Variants in WDFY2 observed in about 807,000 individuals in gnomAD.
WDFY2 encodes the protein WD repeat and FYVE domain-containing protein 2.
In WDFY2, 36 loss-of-function variants were observed where a neutral mutation model predicts 56.4. The ratio of observed to expected loss-of-function variants is 0.64; its 90% CI spans 0.49 to 0.84. The LOEUF is 0.84. WDFY2 is among the 40% of genes least tolerant of loss of function. The pLI, the probability that WDFY2 is intolerant of heterozygous loss-of-function variation, is 0.00. For missense variants in WDFY2, 444 were observed against 512.2 expected, an observed-to-expected ratio of 0.87 and a Z score of 1.29; for synonymous variants, 176 against 183.7, an observed-to-expected ratio of 0.96 and a Z score of 0.34.
chr13:51,750,661 G>A (rs200227174), intron 7 of WDFY2, among the ~76,000 whole-genome samples: 177 of 152,032 alleles, frequency 1.2e-3, no homozygotes, highest in East Asian at 7.6e-3. Context: ...CATTTTTGCC[G>A]CCAAGAGGGA....
chr13:51,674,768 CTTTT>C (rs920557082), intron 2 of WDFY2, among the ~76,000 whole-genome samples: 1 of 152,036 alleles, frequency 6.6e-6, no homozygotes, highest in Non-Finnish European at 1.5e-5. Flanking sequence ...TAAGATCTTT[CTTTT>C]GTTTGTCTAG....
intron 9 of WDFY2, among the ~76,000 whole-genome samples, chr13:51,756,032 C>G (rs534987539): frequency 6.6e-6 from 1 of 151,640 alleles, no homozygotes; most frequent in African/African-American, 2.4e-5. Context: ...TTAAGATCAC[C>G]TGGCCCCTGG....
At position 51,656,534 on chromosome 13, in the gene WDFY2, C is replaced by T. The variant is rs116605506; in HGVS notation, c.138-4062C>T. ...TGGTTTGTAGTGTTGTTCAAGTCTT[C>T]TGTTTCCTTATATGTATGGATGTTC... On this transcript the variant is annotated intron_variant, in intron 1 of 11. Transcript: ENST00000298125. Among the ~76,000 whole-genome samples, 883 of 152,000 alleles carry T rather than the reference C, an allele frequency of 5.8e-3. 4 individuals carry two copies. Among genetic ancestry groups the T allele is most frequent in the African/African-American group, 0.02 (846 of 41,510 alleles).
At chr13:51,698,869 A>G (rs1951928108) in intron 3 of WDFY2, among the ~76,000 whole-genome samples, 1 of 152,234 alleles carries the variant, frequency 6.6e-6, no homozygotes, top group Non-Finnish European at 1.5e-5. Flanking sequence ...AAGGCAGACT[A>G]TTAGGAGAGA....
chr13:51,692,935 G>A (rs1326919874), intron 3 of WDFY2, among the ~76,000 whole-genome samples: 2 of 152,212 alleles, frequency 1.3e-5, no homozygotes, highest in Non-Finnish European at 2.9e-5. Flanking sequence ...GGGTGTATAT[G>A]TTGAGGAATT....
chr13:51,669,259 ATGTT>A (rs1355385051), intron 2 of WDFY2, among the ~76,000 whole-genome samples: 1 of 152,172 alleles, frequency 6.6e-6, no homozygotes, highest in African/African-American at 2.4e-5. Flanking sequence ...TTTAAGCTGA[ATGTT>A]TGTCTTAAGT....
At chr13:51,602,663 G>A (rs1257332191) in intron 1 of WDFY2, among the ~76,000 whole-genome samples, 1 of 152,188 alleles carries the variant, frequency 6.6e-6, no homozygotes, top group African/African-American at 2.4e-5. Flanking sequence ...AGACTACCTA[G>A]CTGCAAGGAA....
At chr13:51,658,959 C>T (rs183143750) in intron 1 of WDFY2, among the ~76,000 whole-genome samples, 20 of 152,114 alleles carry the variant, frequency 1.3e-4, no homozygotes, top group Non-Finnish European at 2.6e-4. Flanking sequence ...CAGAGTCTTG[C>T]TCTGTCGCCC....
In WDFY2 at chr13:51,764,685, A is replaced by G. The variant is rs899442651; in HGVS notation, c.*4916A>G. ...TACTATTAGTTTATATTATAATAGT[A>G]TCAGTTTCTTTTTCTTTGGAAATCC... is the stretch of plus-strand genomic sequence containing the variant. On this transcript the variant is annotated 3_prime_UTR_variant, in exon 12 of 12. Transcript: ENST00000298125. The G allele has an allele frequency of 2.0e-5, 3 of 152,262 alleles. No individual in the cohort carries two copies. Among genetic ancestry groups the G allele is most frequent in the Admixed American group, 6.5e-5 (1 of 15,292 alleles). The allele number at this position is 152,262 out of a possible 1,614,324, so 9.4% of individuals were successfully genotyped here.
At chr13:51,734,965 G>A (rs140194651) in intron 6 of WDFY2, among the ~76,000 whole-genome samples, 2 of 152,358 alleles carry the variant, frequency 1.3e-5, no homozygotes, top group Non-Finnish European at 1.5e-5. Flanking sequence ...GTTGGGGTAT[G>A]AGATATGTGT....
chr13:51,673,167 G>A lies in WDFY2; in HGVS notation c.206-2003G>A, dbSNP rs117219198. 6.0e-3 allele frequency among the ~76,000 whole-genome samples: 920 copies of A among 152,178 alleles called. 6 individuals carry two copies. Among genetic ancestry groups the A allele is most frequent in the Middle Eastern group, 0.014 (4 of 294 alleles). ...AATAACAAGAAATATAGGAAATTGG[G>A]GAAAAAACAAGGAATAAGGGAATGG... On this transcript the variant is annotated intron_variant, in intron 2 of 11. Transcript: ENST00000298125.
intron 1 of WDFY2, among the ~76,000 whole-genome samples, chr13:51,601,411 T>A (rs1483150478): frequency 6.7e-6 from 1 of 150,304 alleles, no homozygotes; most frequent in Non-Finnish European, 1.5e-5. Flanking sequence ...ATGAAGTTAG[T>A]AGTTTACTTT....
chr13:51,761,198 A>T lies in WDFY2; in HGVS notation c.*1429A>T, dbSNP rs560420614. Reference sequence around the variant, plus strand: ...CAGAATGGTACCTACAGTGCAGGCTATGTTTCTGTGGGAATGGAAAAGAGG... The same window carrying T: ...CAGAATGGTACCTACAGTGCAGGCTTTGTTTCTGTGGGAATGGAAAAGAGG... On this transcript the variant is annotated 3_prime_UTR_variant, in exon 12 of 12. Transcript: ENST00000298125. 3 of 152,174 alleles carry T rather than the reference A, an allele frequency of 2.0e-5. No individual in the cohort carries two copies. Among genetic ancestry groups the T allele is most frequent in the East Asian group, 1.9e-4 (1 of 5,198 alleles). 9.4% of individuals were successfully genotyped at this position (152,174 alleles called of 1,614,324 possible).
chr13:51,700,398 C>T (rs181001584), intron 3 of WDFY2, among the ~76,000 whole-genome samples: 2 of 152,158 alleles, frequency 1.3e-5, no homozygotes, highest in African/African-American at 2.4e-5. Flanking sequence ...GATCTAATTT[C>T]TTTTGAACTT....
At chr13:51,658,909 T>G (rs942346941) in intron 1 of WDFY2, among the ~76,000 whole-genome samples, 1 of 152,074 alleles carries the variant, frequency 6.6e-6, no homozygotes, top group African/African-American at 2.4e-5. Flanking sequence ...CTACTAATTA[T>G]TTATTTATTT....
intron 6 of WDFY2, 33 bp downstream of exon 6, chr13:51,727,823 T>C: frequency 6.4e-7 from 1 of 1,573,446 alleles, no homozygotes; most frequent in Non-Finnish European, 8.7e-7. Flanking sequence ...CATGTGCTGA[T>C]AGCACAGTGA....
intron 1 of WDFY2, among the ~76,000 whole-genome samples, chr13:51,625,410 G>C (rs1954820648): frequency 6.6e-6 from 1 of 152,148 alleles, no homozygotes; most frequent in Admixed American, 6.5e-5. Flanking sequence ...GTTTTAGTTT[G>C]TTCTGTTTTA....
intron 1 of WDFY2, among the ~76,000 whole-genome samples, chr13:51,655,880 A>G (rs1043588805): frequency 3.3e-5 from 5 of 151,978 alleles, no homozygotes; most frequent in African/African-American, 1.2e-4. Context: ...TTGAGTCAGT[A>G]TTGGTAGATT....
chr13:51,608,801 C>A (rs1247555965), intron 1 of WDFY2, among the ~76,000 whole-genome samples: 2 of 152,124 alleles, frequency 1.3e-5, no homozygotes, highest in African/African-American at 4.8e-5. Context: ...TATTTTTGAA[C>A]ATATTTTCAA....
Sources: allele counts gnomAD v4.1 joint callset (sites outside exome capture counted in the v4.1 genomes callset), GRCh38; gene constraint gnomAD v4.1.1; transcripts MANE v1.5; gene names NCBI Gene and HGNC (gene_info 2026-07-23, HGNC 2026-07-21).